ERC2: variants seen among roughly 807,000 people sequenced by gnomAD.
ERC2 encodes ELKS/RAB6-interacting/CAST family member 2.
In ERC2, 42 loss-of-function variants were observed where a neutral mutation model predicts 114.8. The observed-to-expected ratio is 0.37, with a 90% CI of 0.29 to 0.47. The LOEUF (loss-of-function observed/expected upper bound fraction) is 0.47. ERC2 is among the 20% of genes least tolerant of loss of function. The probability of loss-of-function intolerance (pLI) is 0.99; values close to 1 mark genes in which losing one functional copy is unlikely to be tolerated. For missense variants in ERC2, 939 were observed against 1,150.7 expected (o/e 0.82, Z 2.66); for synonymous variants, 454 against 425.5 (o/e 1.07, Z -0.82).
chr3:56,031,515 G>T (rs1358503701), intron 7 of ERC2, among the ~76,000 whole-genome samples: 1 of 152,238 alleles, frequency 6.6e-6, no homozygotes, highest in Non-Finnish European at 1.5e-5. Flanking sequence ...CCCTGCTGAA[G>T]CCAGTCTGTA....
At chr3:55,994,719 G>T (rs1259744008) in intron 10 of ERC2, among the ~76,000 whole-genome samples, 1 of 144,338 alleles carries the variant, frequency 6.9e-6, no homozygotes, top group African/African-American at 2.5e-5. Flanking sequence ...CTAGAGATAG[G>T]TATGTACACA....
At chr3:55,883,874 T>A (rs1005522710) in intron 14 of ERC2, among the ~76,000 whole-genome samples, 4 of 148,552 alleles carry the variant, frequency 2.7e-5, no homozygotes, top group Non-Finnish European at 5.9e-5. Flanking sequence ...GGCAACAGAG[T>A]GAGGCTCCGT....
At chr3:55,519,871 C>T (rs72868666) in intron 17 of ERC2, among the ~76,000 whole-genome samples, 3,581 of 151,914 alleles carry the variant, frequency 0.024, 133 homozygotes, top group African/African-American at 0.082. Flanking sequence ...CTGGGAAACA[C>T]GACAAAACCT....
At chr3:56,114,208 A>G (rs1358906476) in intron 6 of ERC2, among the ~76,000 whole-genome samples, 1 of 152,240 alleles carries the variant, frequency 6.6e-6, no homozygotes, top group Non-Finnish European at 1.5e-5. Context: ...TTTGGAGTGG[A>G]GACTTAACAT....
At chr3:56,339,386 T>C (rs998344871) in intron 2 of ERC2, among the ~76,000 whole-genome samples, 12 of 151,804 alleles carry the variant, frequency 7.9e-5, no homozygotes, top group Non-Finnish European at 1.6e-4. Flanking sequence ...GGGCAGCTTG[T>C]GTTAAGGTGG....
chr3:55,826,166 C>G (rs745976922), intron 14 of ERC2, among the ~76,000 whole-genome samples: 124 of 152,330 alleles, frequency 8.1e-4, no homozygotes, highest in Middle Eastern at 3.4e-3. Context: ...TGAAGCAATA[C>G]TGGCAAATTA....
chr3:55,975,670 C>G (rs991402414), intron 12 of ERC2, among the ~76,000 whole-genome samples: 2 of 152,214 alleles, frequency 1.3e-5, no homozygotes, highest in South Asian at 2.1e-4. Flanking sequence ...CCAGAAGATA[C>G]TCCTCGTTAT....
chr3:56,130,746 G>A (rs781472031), intron 6 of ERC2, among the ~76,000 whole-genome samples: 7 of 152,138 alleles, frequency 4.6e-5, no homozygotes, highest in African/African-American at 7.2e-5. Flanking sequence ...GGTCTTTCAT[G>A]TTCTGCCTTA....
At chr3:55,678,605 T>A (rs2061919804) in intron 17 of ERC2, among the ~76,000 whole-genome samples, 1 of 152,210 alleles carries the variant, frequency 6.6e-6, no homozygotes, top group Admixed American at 6.5e-5. Context: ...GAAGTTAGAC[T>A]TCAGACGTGC....
intron 3 of ERC2, among the ~76,000 whole-genome samples, chr3:56,220,183 C>T (rs1414466238): frequency 2.6e-5 from 4 of 152,126 alleles, no homozygotes; most frequent in African/African-American, 9.7e-5. Flanking sequence ...ATAAGACCAG[C>T]AGCACACACA....
chr3:55,724,624 A>T lies in ERC2; in HGVS notation c.2712+10147T>A, dbSNP rs149409345. Among the ~76,000 whole-genome samples the T allele has an allele frequency of 9.8e-5, 15 of 152,344 alleles. No individual in the cohort carries two copies. The East Asian group carries it at 2.7e-3, about 27-fold the overall frequency. ...TAATATATTTAAAATCCCTAGCCCAATGCCAAGTATACAATAAGAGCTCAA... is the reference window on the plus strand; with the variant it reads ...TAATATATTTAAAATCCCTAGCCCATTGCCAAGTATACAATAAGAGCTCAA... On this transcript the variant is annotated intron_variant, in intron 15 of 17. Transcript: ENST00000288221.
chr3:55,836,092 T>G (rs201862582), intron 14 of ERC2, among the ~76,000 whole-genome samples: 4,317 of 149,482 alleles, frequency 0.029, 122 homozygotes, highest in South Asian at 0.063. Flanking sequence ...CACTGCTCAA[T>G]GAAATAAAAG....
intron 2 of ERC2, among the ~76,000 whole-genome samples, chr3:56,369,060 G>A (rs1456006241): frequency 1.3e-5 from 2 of 152,112 alleles, no homozygotes; most frequent in Non-Finnish European, 2.9e-5. Context: ...CTCACATAGG[G>A]GACAGCTTCT....
intron 2 of ERC2, among the ~76,000 whole-genome samples, chr3:56,360,061 C>CTTTTTTT (rs5849149): frequency 1.4e-4 from 14 of 99,164 alleles, no homozygotes; most frequent in Non-Finnish European, 1.7e-4. Flanking sequence ...TAACAAAAAT[C>CTTTTTTT]TTTTTTTTTT....
rs201790802 is a variant in ERC2 at position 56,173,517 on chromosome 3, A to G, written c.1078T>C (p.Leu360=). Residue 360 remains leucine (L), a synonymous_variant, in exon 4 of 18, where the codon TTG becomes CTG. Coordinates refer to ENST00000288221, the MANE Select transcript of ERC2 (RefSeq NM_015576.3). ...EKENIHLREE[L]HRRSQLQPEP... is the part of the protein sequence containing the mutation. Reference sequence around the variant, plus strand: ...GGCTGAAGTTGGCTTCTTCGGTGCAATTCCTGGGGAGGAACACGATAGAAA... The same window carrying G: ...GGCTGAAGTTGGCTTCTTCGGTGCAGTTCCTGGGGAGGAACACGATAGAAA... 500 of 1,613,754 alleles carry G rather than the reference A, an allele frequency of 3.1e-4. 2 individuals carry two copies. The African/African-American group carries it at 5.9e-3, about 19-fold the overall frequency.
chr3:55,577,441 G>C (rs952398218), intron 17 of ERC2, among the ~76,000 whole-genome samples: 1 of 152,178 alleles, frequency 6.6e-6, no homozygotes, highest in Non-Finnish European at 1.5e-5. Context: ...GAGGCACTTG[G>C]GGAATGATAG....
intron 13 of ERC2, among the ~76,000 whole-genome samples, chr3:55,937,211 G>C (rs559606508): frequency 1.3e-5 from 2 of 152,166 alleles, no homozygotes; most frequent in Non-Finnish European, 2.9e-5. Flanking sequence ...TAGTAGATGA[G>C]CCAGGCTCAG....
At chr3:55,883,608 G>T (rs1321126735) in intron 14 of ERC2, among the ~76,000 whole-genome samples, 1 of 151,870 alleles carries the variant, frequency 6.6e-6, no homozygotes, top group East Asian at 1.9e-4. Context: ...ATAATGTTAA[G>T]GCCGGGTGCA....
chr3:55,674,542 G>A (rs1446118490), intron 17 of ERC2, among the ~76,000 whole-genome samples: 1 of 152,168 alleles, frequency 6.6e-6, no homozygotes, highest in Non-Finnish European at 1.5e-5. Context: ...GCTGTAGGAA[G>A]CTCAGATTTC....
Sources: gnomAD v4.1 joint callset for allele counts (sites outside exome capture counted in the v4.1 genomes callset) on GRCh38, gnomAD v4.1.1 for gene constraint, MANE v1.5 for transcripts, NCBI Gene and HGNC (gene_info 2026-07-23, HGNC 2026-07-21) for gene names.